Variants in NTRK3 observed in about 807,000 individuals in gnomAD.
NTRK3 encodes the protein neurotrophic receptor tyrosine kinase 3, also known as NT-3 growth factor receptor.
NTRK3 carries 24 observed loss-of-function variants against 91.7 expected under a neutral mutation model. That is an observed-to-expected ratio of 0.26 (90% CI 0.19 to 0.37). NTRK3 has a LOEUF of 0.37. Among genes scored for constraint, NTRK3 ranks in the 10% least tolerant of loss-of-function variants. NTRK3 has a pLI of 1.00. For synonymous variants in NTRK3, 483 were observed against 404.0 expected (o/e 1.20, Z -2.34); for missense variants, 880 against 1,068.9 (o/e 0.82, Z 2.46).
At chr15:88,128,728 G>T (rs767919095) in exon 11 of NTRK3, 1 of 1,613,958 alleles carries the variant, frequency 6.2e-7, no homozygotes, top group Middle Eastern at 1.6e-4. Context: ...AAAGTTATCC[G>T]TGCTCTCTGC....
At chr15:88,250,365 C>T (rs1013004977) in intron 3 of NTRK3, among the ~76,000 whole-genome samples, 9 of 152,164 alleles carry the variant, frequency 5.9e-5, no homozygotes, top group Admixed American at 5.9e-4. Context: ...GACTGTTAAG[C>T]TCTGCTTTTA....
chr15:88,071,957 T>C (rs552940581), intron 13 of NTRK3, among the ~76,000 whole-genome samples: 1 of 152,182 alleles, frequency 6.6e-6, no homozygotes, highest in South Asian at 2.1e-4. Context: ...CCTGGAAAGA[T>C]TTCCAGGGTT....
chr15:88,033,467 T>C (rs537940567), intron 13 of NTRK3, among the ~76,000 whole-genome samples: 4 of 151,630 alleles, frequency 2.6e-5, no homozygotes, highest in African/African-American at 4.9e-5. Context: ...CCTGCCACCA[T>C]GCCTGGCTAA....
At chr15:88,134,743 A>C (rs2041709151) in intron 10 of NTRK3, among the ~76,000 whole-genome samples, 1 of 152,222 alleles carries the variant, frequency 6.6e-6, no homozygotes, top group South Asian at 2.1e-4. Flanking sequence ...ATAGAAAAGG[A>C]AATTGATGCT....
At chr15:87,940,467 C>A (rs1411934886) in intron 15 of NTRK3, among the ~76,000 whole-genome samples, 156 bp downstream of exon 15, 1 of 152,164 alleles carries the variant, frequency 6.6e-6, no homozygotes, top group Non-Finnish European at 1.5e-5. Context: ...TTGTTTTGGT[C>A]CCTAGGAAAC....
exon 10 of NTRK3, chr15:88,135,387 A>G (rs1426691837): frequency 6.2e-7 from 1 of 1,613,706 alleles, no homozygotes; most frequent in African/African-American, 1.3e-5. Flanking sequence ...GGCTCACCAC[A>G]CGTGGGGGAT....
chr15:87,979,431 G>C, intron 14 of NTRK3: 5 of 1,613,210 alleles, frequency 3.1e-6, no homozygotes, highest in Non-Finnish European at 4.2e-6. Context: ...TGTCCGGGAA[G>C]GCTTATTGGA....
chr15:88,161,696 G>A (rs1386031399), intron 5 of NTRK3, among the ~76,000 whole-genome samples: 2 of 152,178 alleles, frequency 1.3e-5, no homozygotes, highest in Non-Finnish European at 2.9e-5. Context: ...CTCCAGGCAG[G>A]GAGAGGTCTT....
chr15:87,986,956 A>C (rs1224356351), intron 14 of NTRK3, among the ~76,000 whole-genome samples: 15 of 152,256 alleles, frequency 9.9e-5, no homozygotes, highest in Admixed American at 9.8e-4. Context: ...AAAAATAGGC[A>C]AGAGCCAGAT....
At chr15:87,990,216 G>A (rs1328545912) in intron 14 of NTRK3, among the ~76,000 whole-genome samples, 1 of 152,104 alleles carries the variant, frequency 6.6e-6, no homozygotes, top group Non-Finnish European at 1.5e-5. Context: ...CAGGCTCACA[G>A]GTTCCTATTA....
chr15:87,917,270 T>A (rs2067513660), intron 17 of NTRK3, among the ~76,000 whole-genome samples: 2 of 152,176 alleles, frequency 1.3e-5, no homozygotes, highest in Admixed American at 1.3e-4. Flanking sequence ...GACAAATCTC[T>A]CACTGAAAAT....
intron 18 of NTRK3, among the ~76,000 whole-genome samples, chr15:87,879,288 A>C (rs2065111517): frequency 6.6e-6 from 1 of 152,150 alleles, no homozygotes; most frequent in Non-Finnish European, 1.5e-5. Flanking sequence ...TTCCCAGCAA[A>C]CAGAAGACCA....
intron 3 of NTRK3, among the ~76,000 whole-genome samples, chr15:88,200,438 C>T (rs573453732): frequency 2.6e-5 from 4 of 152,174 alleles, no homozygotes; most frequent in African/African-American, 9.7e-5. Context: ...TGCCCCCACC[C>T]AAATCTCATC....
At chr15:88,156,204 A>C (rs1268471765) in intron 5 of NTRK3, among the ~76,000 whole-genome samples, 4 of 152,166 alleles carry the variant, frequency 2.6e-5, no homozygotes, top group Non-Finnish European at 4.4e-5. Context: ...GTGCAACATC[A>C]CTGAGTAGCT....
At chr15:88,247,166 T>C (rs1284039582) in intron 3 of NTRK3, among the ~76,000 whole-genome samples, 3 of 152,028 alleles carry the variant, frequency 2.0e-5, no homozygotes, top group Admixed American at 6.6e-5. Flanking sequence ...GGTAGCCGGG[T>C]TTAGGACTTC....
rs555271564 is a variant in NTRK3 at position 88,207,189 on chromosome 15, T to C, written c.249-22890A>G. Among the ~76,000 whole-genome samples, 6 of 152,294 alleles carry C rather than the reference T, an allele frequency of 3.9e-5. No homozygotes were observed. The South Asian group carries it at 1.2e-3, about 32-fold the overall frequency. ...GCTTGACCCTAACAGGCTGGTTTCA[T>C]GAGAAGGTGATTGCTGGGACTATTA... On this transcript the variant is annotated intron_variant, in intron 3 of 18. Transcript: ENST00000394480.
At chr15:87,984,039 C>CT (rs1403177902) in intron 14 of NTRK3, among the ~76,000 whole-genome samples, 4 of 152,130 alleles carry the variant, frequency 2.6e-5, no homozygotes, top group Non-Finnish European at 5.9e-5. Context: ...TCACGGACCC[C>CT]TTCATTTTGA....
rs150188093 is a variant in NTRK3, at chr15:88,056,087, G to C, written c.1397-23042C>G. ...AACAAAGGAGCATGGCAGGCCCCTG[G>C]GTTCTGCTGGTTAAGCCTCCTGGAG... On this transcript the variant is annotated intron_variant, in intron 13 of 18. Transcript: ENST00000394480. 1.7e-4 allele frequency among the ~76,000 whole-genome samples: 25 copies of C among 151,162 alleles called. 1 individual carries two copies. In the East Asian group the frequency reaches 4.5e-3, roughly 27 times the overall value.
intron 14 of NTRK3, among the ~76,000 whole-genome samples, chr15:87,990,585 G>C (rs964588817): frequency 6.6e-6 from 1 of 152,132 alleles, no homozygotes; most frequent in Admixed American, 6.5e-5. Context: ...ATCCTGACCA[G>C]AGCCCAATTA....
Sources: allele counts gnomAD v4.1 joint callset (sites outside exome capture counted in the v4.1 genomes callset), GRCh38; gene constraint gnomAD v4.1.1; transcripts MANE v1.5; gene names NCBI Gene and HGNC (gene_info 2026-07-23, HGNC 2026-07-21).